STX7: variants seen among roughly 807,000 people sequenced by gnomAD.
STX7 encodes the protein syntaxin-7.
In STX7, 34 loss-of-function variants were observed where a neutral mutation model predicts 39.6. That is an observed-to-expected ratio of 0.86 (90% CI 0.65 to 1.14). The LOEUF is 1.14. Among genes scored for constraint, STX7 ranks in the 50% most tolerant of loss-of-function variants. The pLI, the probability that STX7 is intolerant of heterozygous loss-of-function variation, is 0.00. For synonymous variants in STX7, 119 were observed against 99.1 expected (o/e 1.20, Z -1.19); for missense variants, 284 against 310.4 (o/e 0.92, Z 0.64).
At chr6:132,470,208 AATTT>A (rs1438075401) in intron 6 of STX7, among the ~76,000 whole-genome samples, 161 bp from the exon 7 acceptor site, 3 of 152,068 alleles carry the variant, frequency 2.0e-5, no homozygotes, top group Non-Finnish European at 4.4e-5. Flanking sequence ...ATATTAATAA[AATTT>A]ATTCATTTTT....
At position 132,467,036 on chromosome 6, in the gene STX7, C is replaced by T. The variant is rs533540021; in HGVS notation, c.610+1367G>A. Among the ~76,000 whole-genome samples, 84 of 152,324 alleles carry T rather than the reference C, an allele frequency of 5.5e-4. 1 individual carries two copies. The South Asian group carries it at 0.017, about 31-fold the overall frequency. On this transcript the variant is annotated intron_variant, in intron 8 of 9. Transcript: ENST00000367941. ...CCAACAAGATTGAGCATCTGGATGA[C>T]TGCAATAGCCTTTTAGGTGACCTCC...
At chr6:132,502,500 A>T (rs1197361736) in intron 2 of STX7, among the ~76,000 whole-genome samples, 1 of 152,228 alleles carries the variant, frequency 6.6e-6, no homozygotes, top group African/African-American at 2.4e-5. Context: ...TATCCACTCA[A>T]ATCTGCTATA....
Position 132,450,276 on chromosome 6 carries a change from C to A in STX7, c.*10482G>T, listed in dbSNP as rs1774111246. The A allele has an allele frequency of 6.6e-6, 1 of 152,134 alleles. No individual in the cohort carries two copies. Among genetic ancestry groups the A allele is most frequent in the Non-Finnish European group, 1.5e-5 (1 of 68,016 alleles). 9.4% of individuals were successfully genotyped at this position (152,134 alleles called of 1,614,324 possible). A position where few individuals can be genotyped will look rare whatever the true frequency, so the allele number is the denominator to read the frequency against. ...CAACCATATGGCAGGAAGCAGAAAT[C>A]ATCTACTTCGTAGTTGATTTTGGTA... On this transcript the variant is annotated 3_prime_UTR_variant, in exon 10 of 10. Transcript: ENST00000367941.
At chr6:132,510,934 C>A (rs1775831958) in intron 1 of STX7, among the ~76,000 whole-genome samples, 1 of 152,200 alleles carries the variant, frequency 6.6e-6, no homozygotes, top group Non-Finnish European at 1.5e-5. Flanking sequence ...CTTAAGATTT[C>A]CATTTAGCAT....
intron 9 of STX7, 57 bp from the exon 10 acceptor site, chr6:132,460,907 T>C (rs1774379005): frequency 7.0e-7 from 1 of 1,425,078 alleles, no homozygotes; most frequent in Admixed American, 1.7e-5. Context: ...TTTAGTGGAG[T>C]ACCTCTACAG....
rs1252507410 is a variant in STX7, at chr6:132,449,047, GC to G, written c.*11710del. 6.6e-6 allele frequency: 1 copy of G among 151,228 alleles called. No homozygotes were observed. Among genetic ancestry groups the G allele is most frequent in the Non-Finnish European group, 1.5e-5 (1 of 67,972 alleles). 9.4% of individuals were successfully genotyped at this position (151,228 alleles called of 1,614,324 possible). The stretch of plus-strand genomic sequence containing the variant: ...TTTTTTTTTTAGACAGGGTACAGTG[GC>G]ACCATCATAGCTCACTGCAGCCTTG... On this transcript the variant is annotated 3_prime_UTR_variant, in exon 10 of 10. Coordinates refer to ENST00000367941, the MANE Select transcript of STX7 (RefSeq NM_003569.3).
At chr6:132,469,826 G>GA in intron 7 of STX7, 125 bp downstream of exon 7, 1 of 670,664 alleles carries the variant, frequency 1.5e-6, no homozygotes, top group Non-Finnish European at 2.4e-6. Flanking sequence ...GTGACAGAGG[G>GA]AGACTGTCTC....
intron 2 of STX7, among the ~76,000 whole-genome samples, chr6:132,493,016 A>T (rs1775334066): frequency 6.6e-6 from 1 of 152,176 alleles, no homozygotes; most frequent in Non-Finnish European, 1.5e-5. Context: ...CATGCTCCCA[A>T]GCAGGAGAAC....
chr6:132,465,181 C>G (rs1774531863), intron 8 of STX7, among the ~76,000 whole-genome samples: 1 of 152,164 alleles, frequency 6.6e-6, no homozygotes. Context: ...AGACGAACAC[C>G]TTTCCTCACC....
intron 1 of STX7, among the ~76,000 whole-genome samples, chr6:132,507,721 T>A (rs1378103394): frequency 6.6e-6 from 1 of 152,244 alleles, no homozygotes; most frequent in African/African-American, 2.4e-5. Flanking sequence ...AATTTTCTCT[T>A]GGTTCAATGA....
At chr6:132,498,398 T>C (rs1775470733) in intron 2 of STX7, among the ~76,000 whole-genome samples, 1 of 152,158 alleles carries the variant, frequency 6.6e-6, no homozygotes, top group African/African-American at 2.4e-5. Context: ...TTTAAAAATA[T>C]TTTTGACTGC....
intron 9 of STX7, chr6:132,461,780 G>T: frequency 5.4e-6 from 8 of 1,481,986 alleles, no homozygotes; most frequent in Non-Finnish European, 6.3e-6. Context: ...TAAGAATTTT[G>T]TTCCGTTCTT....
chr6:132,476,166 A>C (rs1255860811), intron 2 of STX7, among the ~76,000 whole-genome samples: 1 of 152,202 alleles, frequency 6.6e-6, no homozygotes, highest in Non-Finnish European at 1.5e-5. Context: ...TACAACTTAA[A>C]TTACCACCAC....
At chr6:132,471,393 A>C in intron 5 of STX7, 70 bp downstream of exon 5, 2 of 1,514,188 alleles carry the variant, frequency 1.3e-6, no homozygotes, top group South Asian at 2.6e-5. Flanking sequence ...AAATTATGCT[A>C]CTATAGACTT....
chr6:132,501,794 T>C (rs4897589), intron 2 of STX7, among the ~76,000 whole-genome samples: 7,457 of 152,044 alleles, frequency 0.049, 248 homozygotes, highest in East Asian at 0.15. Flanking sequence ...ATTAGAATTA[T>C]AAACTTCCTT....
At chr6:132,470,109 T>C in intron 6 of STX7, 62 bp from the exon 7 acceptor site, 2 of 1,240,736 alleles carry the variant, frequency 1.6e-6, no homozygotes, top group South Asian at 1.5e-5. Context: ...ATGGGACTCA[T>C]TTCCTATTTA....
In STX7 at chr6:132,472,190, T is replaced by A. The variant is rs1389921396; in HGVS notation, c.249+92A>T. On this transcript the variant is annotated intron_variant, in intron 4 of 9. Transcript: ENST00000367941. ...ATTTTTGATTTCCTTTCTAGCATAA[T>A]TTCCTTTCTAGCGTAACAGTTCAAA... 16 of 903,616 alleles carry A rather than the reference T, an allele frequency of 1.8e-5. No homozygotes were observed. In the East Asian group the frequency reaches 3.9e-4, roughly 22 times the overall value. 56.0% of individuals were successfully genotyped at this position (903,616 alleles called of 1,614,324 possible). A position where few individuals can be genotyped will look rare whatever the true frequency, so the allele number is the denominator to read the frequency against.
At chr6:132,472,519 A>T (rs1301453340) in intron 3 of STX7, 144 bp from the exon 4 acceptor site, 8 of 551,304 alleles carry the variant, frequency 1.5e-5, no homozygotes, top group Non-Finnish European at 2.2e-5. Flanking sequence ...TATCAAAAAA[A>T]ATTTCATATC....
chr6:132,470,140 A>G, intron 6 of STX7, 93 bp from the exon 7 acceptor site: 1 of 898,562 alleles, frequency 1.1e-6, no homozygotes, highest in Admixed American at 3.8e-5. Context: ...ATTAAATAGG[A>G]TATTTTATTC....
Sources: allele counts gnomAD v4.1 joint callset (sites outside exome capture counted in the v4.1 genomes callset), GRCh38; gene constraint gnomAD v4.1.1; transcripts MANE v1.5; gene names NCBI Gene and HGNC (gene_info 2026-07-23, HGNC 2026-07-21).